The following OSBP variants were observed in gnomAD, a reference collection of about 807,000 sequenced individuals.
OSBP encodes the protein oxysterol binding protein.
Under a neutral mutation model 96.6 loss-of-function variants are expected in OSBP, and 32 were observed. The observed-to-expected ratio is 0.33, with a 90% CI of 0.25 to 0.45. OSBP has a LOEUF of 0.45. OSBP is among the 20% of genes least tolerant of loss of function. OSBP has a pLI of 1.00. For synonymous variants in OSBP, 369 were observed against 389.6 expected, an observed-to-expected ratio of 0.95 and a Z score of 0.62; for missense variants, 653 against 1,029.7, an observed-to-expected ratio of 0.63 and a Z score of 5.01.
At chr11:59,605,681 T>G (rs1296496225) in intron 3 of OSBP, among the ~76,000 whole-genome samples, 1 of 152,202 alleles carries the variant, frequency 6.6e-6, no homozygotes, top group East Asian at 1.9e-4. Context: ...GCACCATGCC[T>G]GGCCTCATTC....
intron 9 of OSBP, among the ~76,000 whole-genome samples, chr11:59,591,627 C>CTTTT (rs530339994): frequency 7.2e-6 from 1 of 139,034 alleles, no homozygotes. Flanking sequence ...TTTTCTTTTC[C>CTTTT]TTTTTTTTTT....
At chr11:59,605,005 T>C (rs896871255) in intron 3 of OSBP, among the ~76,000 whole-genome samples, 1 of 150,514 alleles carries the variant, frequency 6.6e-6, no homozygotes, top group African/African-American at 2.5e-5. Flanking sequence ...CACAAAAAAT[T>C]AGTCGGGTGT....
At chr11:59,594,300 TAA>T (rs1860621398) in intron 7 of OSBP, 45 bp from the exon 8 acceptor site, 1 of 1,583,284 alleles carries the variant, frequency 6.3e-7, no homozygotes. Flanking sequence ...CACTCATCTA[TAA>T]GAGACAGTTT....
chr11:59,605,893 G>A (rs1860775007), intron 3 of OSBP, among the ~76,000 whole-genome samples: 1 of 152,146 alleles, frequency 6.6e-6, no homozygotes, highest in African/African-American at 2.4e-5. Context: ...ATAGGTCATA[G>A]AGGCAGTTGG....
chr11:59,614,068 G>C (rs1860888812), intron 1 of OSBP, among the ~76,000 whole-genome samples: 1 of 152,296 alleles, frequency 6.6e-6, no homozygotes, highest in South Asian at 2.1e-4. Flanking sequence ...ATGTCATTAA[G>C]CAAAATATCC....
At chr11:59,612,001 C>G (rs1298404115) in intron 1 of OSBP, among the ~76,000 whole-genome samples, 2 of 152,222 alleles carry the variant, frequency 1.3e-5, no homozygotes, top group Non-Finnish European at 2.9e-5. Flanking sequence ...AATTGGAACA[C>G]AGAGGTCAAA....
At chr11:59,607,572 A>C (rs1860797045) in intron 3 of OSBP, among the ~76,000 whole-genome samples, 1 of 152,106 alleles carries the variant, frequency 6.6e-6, no homozygotes, top group Non-Finnish European at 1.5e-5. Context: ...CCATTTAATT[A>C]GGAAAAAAAA....
intron 7 of OSBP, 40 bp from the exon 8 acceptor site, chr11:59,594,295 A>G: frequency 6.2e-7 from 1 of 1,600,492 alleles, no homozygotes; most frequent in Non-Finnish European, 8.5e-7. Flanking sequence ...ATGCTCACTC[A>G]TCTATAAGAG....
At chr11:59,608,419 T>C in intron 3 of OSBP, 65 bp downstream of exon 3, 1 of 1,599,770 alleles carries the variant, frequency 6.3e-7, no homozygotes, top group Non-Finnish European at 8.6e-7. Flanking sequence ...TTTAGGCATT[T>C]GGGGAGAATT....
chr11:59,607,737 C>G (rs2134675085), intron 3 of OSBP, among the ~76,000 whole-genome samples: 1 of 152,276 alleles, frequency 6.6e-6, no homozygotes, highest in South Asian at 2.1e-4. Flanking sequence ...TCATACGTAT[C>G]AATACATCGG....
At position 59,615,618 on chromosome 11, in the gene OSBP, G is replaced by A; in HGVS notation, c.47C>T (p.Ala16Val). The change falls in exon 1 of 14, where the codon GCC becomes GTC. Residue 16 changes from alanine (A) to valine (V), a missense_variant. Transcript: ENST00000263847. ...LRGVVGPGPA[A>V]IAALGGGGAG... ...GCCGCCGCCGCCAAGTGCTGCAATG[G>A]CTGCCGGGCCTGGCCCCACCACTCC... The A allele has an allele frequency of 7.2e-7, 1 of 1,379,498 alleles. No individual in the cohort carries two copies. The highest frequency in any genetic ancestry group is 1.6e-5 in the South Asian group (1 of 63,048). 85.5% of individuals were successfully genotyped at this position (1,379,498 alleles called of 1,614,324 possible).
intron 11 of OSBP, among the ~76,000 whole-genome samples, chr11:59,579,267 C>G (rs1274864772): frequency 2.0e-5 from 3 of 152,090 alleles, no homozygotes; most frequent in African/African-American, 4.8e-5. Flanking sequence ...TCTCAGTGAT[C>G]AAACCCCTTT....
intron 1 of OSBP, among the ~76,000 whole-genome samples, chr11:59,614,431 A>G (rs1454558724): frequency 1.3e-5 from 2 of 152,078 alleles, no homozygotes; most frequent in African/African-American, 4.8e-5. Flanking sequence ...TCCCCAAATC[A>G]CCTATCTTAA....
chr11:59,579,157 G>T (rs1399066032), intron 11 of OSBP, among the ~76,000 whole-genome samples: 1 of 151,910 alleles, frequency 6.6e-6, no homozygotes. Flanking sequence ...AATTCACAGG[G>T]ACCTATAAAC....
At chr11:59,585,555 C>T (rs1446766887) in intron 9 of OSBP, among the ~76,000 whole-genome samples, 1 of 150,904 alleles carries the variant, frequency 6.6e-6, no homozygotes, top group Non-Finnish European at 1.5e-5. Context: ...GGGGGGTCAG[C>T]CCCCCGCCCG....
intron 9 of OSBP, among the ~76,000 whole-genome samples, chr11:59,585,395 C>T (rs1860486557): frequency 2.0e-5 from 3 of 147,244 alleles, no homozygotes; most frequent in Non-Finnish European, 4.5e-5. Flanking sequence ...AGACCTCGCC[C>T]GGCAACCACC....
At chr11:59,607,023 ATTT>A (rs1860788187) in intron 3 of OSBP, among the ~76,000 whole-genome samples, 1 of 152,158 alleles carries the variant, frequency 6.6e-6, no homozygotes, top group African/African-American at 2.4e-5. Context: ...AGATGAGTAC[ATTT>A]TCAAGAGAAA....
chr11:59,609,159 C>T (rs573193209), intron 2 of OSBP, among the ~76,000 whole-genome samples: 2 of 152,294 alleles, frequency 1.3e-5, no homozygotes, highest in South Asian at 2.1e-4. Context: ...CTAGTCCAAG[C>T]TAACTATTTT....
At chr11:59,591,189 T>C (rs1860575200) in intron 9 of OSBP, among the ~76,000 whole-genome samples, 2 of 152,228 alleles carry the variant, frequency 1.3e-5, no homozygotes, top group Admixed American at 1.3e-4. Flanking sequence ...CTAGGATAAA[T>C]GTTTTAACTT....
Sources: allele counts gnomAD v4.1 joint callset (sites outside exome capture counted in the v4.1 genomes callset), GRCh38; gene constraint gnomAD v4.1.1; transcripts MANE v1.5; gene names NCBI Gene and HGNC (gene_info 2026-07-23, HGNC 2026-07-21).